IGF2R: variants seen among roughly 807,000 people sequenced by gnomAD.
The protein encoded by IGF2R is cation-independent mannose-6-phosphate receptor.
In IGF2R, 91 loss-of-function variants were observed where a neutral mutation model predicts 270.6. That is an observed-to-expected ratio of 0.34 (90% CI 0.28 to 0.40). IGF2R has a LOEUF of 0.40. Among genes scored for constraint, IGF2R ranks in the 10% least tolerant of loss-of-function variants. The probability of loss-of-function intolerance (pLI) is 1.00; values close to 1 mark genes in which losing one functional copy is unlikely to be tolerated. For missense variants in IGF2R, 2,805 were observed against 3,188.3 expected (o/e 0.88, Z 2.90); for synonymous variants, 1,316 against 1,258.9 (o/e 1.05, Z -0.96).
chr6:160,071,762 A>C (rs886962943), intron 31 of IGF2R, 148 bp from the exon 32 acceptor site: 1 of 1,048,632 alleles, frequency 9.5e-7, no homozygotes, highest in Non-Finnish European at 1.4e-6. Flanking sequence ...TGCTTTTCCT[A>C]ATCTGCGCCT....
Position 160,004,165 on chromosome 6 carries a change from G to T in IGF2R, c.290-4845G>T. On this transcript the variant is annotated intron_variant, in intron 2 of 47. Coordinates refer to ENST00000356956, the MANE Select transcript of IGF2R (RefSeq NM_000876.4). This position sits in a 1 kb window ranked among gnomAD's most constrained non-coding sequence, Gnocchi z 5.2. ...CTAAGTGGGTGGTGCAGGGGAGAGA[G>T]GAAGACTTGCTTGAGCACATCGGGA... 6.6e-6 allele frequency: 1 copy of T among 152,344 alleles called. No individual in the cohort carries two copies. 9.4% of individuals were successfully genotyped at this position (152,344 alleles called of 1,614,324 possible). A position where few individuals can be genotyped will look rare whatever the true frequency, so the allele number is the denominator to read the frequency against.
chr6:160,087,669 T>TTTTTTG (rs1779123744), intron 41 of IGF2R, among the ~76,000 whole-genome samples: 1 of 152,138 alleles, frequency 6.6e-6, no homozygotes, highest in Admixed American at 6.5e-5. Context: ...TGTTTGTTTG[T>TTTTTTG]TTTTTGTTTT....
At chr6:160,079,961 A>C (rs764323813) in intron 38 of IGF2R, among the ~76,000 whole-genome samples, 168 bp from the exon 39 acceptor site, 21 of 152,162 alleles carry the variant, frequency 1.4e-4, no homozygotes, top group Admixed American at 1.3e-4. Context: ...TGGTGTGTGA[A>C]TCACGCTGTG....
At chr6:160,080,344 G>A in intron 39 of IGF2R, 69 bp downstream of exon 39, 2 of 1,478,094 alleles carry the variant, frequency 1.4e-6, no homozygotes, top group Non-Finnish European at 1.8e-6. Flanking sequence ...GATTCACACT[G>A]AGACCTTTGT....
intron 1 of IGF2R, among the ~76,000 whole-genome samples, chr6:159,984,018 G>A (rs765957847): frequency 6.6e-6 from 1 of 152,204 alleles, no homozygotes; most frequent in Non-Finnish European, 1.5e-5. Flanking sequence ...GCTTGGGGAA[G>A]AAGTTGAGCA....
chr6:160,002,772 A>C (rs1442794296), intron 2 of IGF2R, among the ~76,000 whole-genome samples: 1 of 152,156 alleles, frequency 6.6e-6, no homozygotes, highest in Non-Finnish European at 1.5e-5. Flanking sequence ...AATTCTCTTA[A>C]ATGTTCTAAT....
intron 2 of IGF2R, among the ~76,000 whole-genome samples, chr6:159,993,214 G>T (rs1784004369): frequency 6.6e-6 from 1 of 152,174 alleles, no homozygotes; most frequent in Admixed American, 6.5e-5. Flanking sequence ...TGTTTACTCT[G>T]CTGTGCAGAA....
rs1779677979 is a variant in IGF2R, at chr6:160,108,648, CCTCTTT to C, written c.*3567_*3572del. The C allele has an allele frequency of 1.3e-5, 2 of 148,366 alleles. No individual in the cohort carries two copies. The highest frequency in any genetic ancestry group is 1.4e-4 in the Admixed American group (2 of 14,340). 9.2% of individuals were successfully genotyped at this position (148,366 alleles called of 1,614,324 possible). A position where few individuals can be genotyped will look rare whatever the true frequency, so the allele number is the denominator to read the frequency against. ...CATTCCTTTCCTTTCCTTCCTTTTT[CCTCTTT>C]CTTTCTTTCCTTTTCTCTCTCTCTC... On this transcript the variant is annotated 3_prime_UTR_variant, in exon 48 of 48. Transcript: ENST00000356956.
intron 13 of IGF2R, among the ~76,000 whole-genome samples, chr6:160,045,178 T>C (rs566627318): frequency 6.6e-6 from 1 of 152,366 alleles, no homozygotes; most frequent in East Asian, 1.9e-4. Context: ...AGGAACTTCC[T>C]TGTTGACATG....
At position 159,969,397 on chromosome 6, in the gene IGF2R, TG is replaced by T; in HGVS notation, c.149+5del. ...CGCCCCGTTCCCCGAGCTGTGCAGG[TG>T]GGTGGCCCGCCCGGACGCAGGCTCC... On this transcript the variant is annotated splice_donor_region_variant and intron_variant, in intron 1 of 47. Transcript: ENST00000356956. 8.1e-7 allele frequency: 1 copy of T among 1,228,052 alleles called. No homozygotes were observed. The highest frequency in any genetic ancestry group is 1.0e-6 in the Non-Finnish European group (1 of 984,264). 76.1% of individuals were successfully genotyped at this position (1,228,052 alleles called of 1,614,324 possible).
At chr6:160,069,226 G>A (rs1778660346) in intron 30 of IGF2R, among the ~76,000 whole-genome samples, 1 of 152,128 alleles carries the variant, frequency 6.6e-6, no homozygotes, top group South Asian at 2.1e-4. Flanking sequence ...TGGCCCCTCG[G>A]AACCCTGAAG....
intron 32 of IGF2R, 152 bp from the exon 33 acceptor site, chr6:160,072,613 C>A: frequency 1.3e-6 from 1 of 746,472 alleles, no homozygotes; most frequent in Non-Finnish European, 2.3e-6. Flanking sequence ...ATGATACAGC[C>A]TGGCTGTTGG....
intron 41 of IGF2R, among the ~76,000 whole-genome samples, chr6:160,086,081 A>G (rs985502049): frequency 2.0e-5 from 3 of 152,246 alleles, no homozygotes; most frequent in Admixed American, 6.5e-5. Context: ...TGAAATGACT[A>G]AAACACTTAA....
chr6:160,093,494 C>T lies in IGF2R; in HGVS notation c.6656-2945C>T, dbSNP rs1386370572. On this transcript the variant is annotated intron_variant, in intron 44 of 47. Transcript: ENST00000356956. ...TCAAGAAGGAGACTGGCTTTTCCCA[C>T]AGTCAAATCACACGTCTGTACAGCC... 5.5e-6 allele frequency: 3 copies of T among 545,110 alleles called. No individual in the cohort carries two copies. The Admixed American group carries it at 7.8e-5, about 14-fold the overall frequency. The allele number at this position is 545,110 out of a possible 1,614,324, so 33.8% of individuals were successfully genotyped here.
In IGF2R at chr6:160,058,987, G is replaced by T; in HGVS notation, c.2980G>T (p.Glu994Ter). 1 of 1,614,202 alleles carries T rather than the reference G, an allele frequency of 6.2e-7. No homozygotes were observed. The highest frequency in any genetic ancestry group is 8.5e-7 in the Non-Finnish European group (1 of 1,180,028). Residue 994 changes from glutamate to a stop codon, truncating the protein, a stop_gained, in exon 22 of 48, where the codon GAA becomes TAA. Coordinates refer to ENST00000356956, the MANE Select transcript of IGF2R (RefSeq NM_000876.4). LOFTEE classifies it high-confidence loss of function. Reference protein sequence around the residue: ...ASGCEAETQTEELKNWKPARP... With the variant: ...ASGCEAETQT ...TGGCTGTGAGGCAGAAACCCAAACT[G>T]AAGAGCTCAAGAATTGGAAGCCAGC...
chr6:160,054,073 A>T (rs1322409014), intron 19 of IGF2R, among the ~76,000 whole-genome samples: 2 of 152,130 alleles, frequency 1.3e-5, no homozygotes, highest in East Asian at 1.9e-4. Context: ...TTTATTTCTC[A>T]TAAAGATTTG....
At chr6:160,075,695 C>T in intron 35 of IGF2R, 152 bp from the exon 36 acceptor site, 2 of 672,548 alleles carry the variant, frequency 3.0e-6, no homozygotes, top group East Asian at 2.7e-5. Flanking sequence ...AGCCTTCCAA[C>T]TGGAGTTGGT....
chr6:160,086,548 G>T (rs955576858), intron 41 of IGF2R, among the ~76,000 whole-genome samples: 1 of 152,162 alleles, frequency 6.6e-6, no homozygotes, highest in South Asian at 2.1e-4. Context: ...CCCCTGAGCC[G>T]AGGAGGTTGA....
At chr6:160,046,217 A>G (rs1230704868) in intron 14 of IGF2R, among the ~76,000 whole-genome samples, 2 of 152,238 alleles carry the variant, frequency 1.3e-5, no homozygotes, top group Non-Finnish European at 2.9e-5. Flanking sequence ...TCCTACTTTG[A>G]ACATGCTGTT....
Sources: gnomAD v4.1 joint callset for allele counts (sites outside exome capture counted in the v4.1 genomes callset) on GRCh38, gnomAD v4.1.1 for gene constraint, Gnocchi (gnomAD v3.1) non-coding constraint, MANE v1.5 for transcripts, NCBI Gene and HGNC (gene_info 2026-07-23, HGNC 2026-07-21) for gene names.